Variants in BNC2 observed in about 807,000 individuals in gnomAD.
BNC2 encodes zinc finger protein basonuclin-2.
Under a neutral mutation model 76.3 loss-of-function variants are expected in BNC2, and 20 were observed. The observed-to-expected ratio is 0.26, with a 90% CI of 0.18 to 0.38. The LOEUF is 0.38. Among genes scored for constraint, BNC2 ranks in the 10% least tolerant of loss-of-function variants. BNC2 has a pLI of 1.00. For missense variants in BNC2, 1,382 were observed against 1,399.8 expected (o/e 0.99, Z 0.20); for synonymous variants, 582 against 514.8 (o/e 1.13, Z -1.77).
At chr9:16,517,876 T>C (rs1226292449) in intron 5 of BNC2, among the ~76,000 whole-genome samples, 1 of 152,094 alleles carries the variant, frequency 6.6e-6, no homozygotes, top group Non-Finnish European at 1.5e-5. Context: ...ACTAGATAAT[T>C]GCAGAATTCT....
At chr9:16,862,582 C>A (rs1819437506) in intron 1 of BNC2, among the ~76,000 whole-genome samples, 1 of 152,174 alleles carries the variant, frequency 6.6e-6, no homozygotes, top group Admixed American at 6.5e-5. Context: ...AGCCAGTCAC[C>A]TGCGTAGAGA....
At chr9:16,834,897 G>C (rs933916582) in intron 1 of BNC2, among the ~76,000 whole-genome samples, 10 of 151,948 alleles carry the variant, frequency 6.6e-5, no homozygotes, top group Non-Finnish European at 1.0e-4. Context: ...TTCTACAAAG[G>C]GTAATACATC....
chr9:16,468,035 TTTCTC>T (rs1410781884), intron 5 of BNC2, among the ~76,000 whole-genome samples: 1 of 149,210 alleles, frequency 6.7e-6, no homozygotes, highest in African/African-American at 2.5e-5. Context: ...CATTTCTTTC[TTTCTC>T]TTTTTTTTTT....
intron 4 of BNC2, among the ~76,000 whole-genome samples, chr9:16,559,330 T>C (rs1818940548): frequency 6.6e-6 from 1 of 152,244 alleles, no homozygotes; most frequent in African/African-American, 2.4e-5. Flanking sequence ...ATTTTATGTG[T>C]GGCCCAAGCC....
At chr9:16,862,911 ATAGATT>A (rs1586945057) in intron 1 of BNC2, among the ~76,000 whole-genome samples, 2 of 91,488 alleles carry the variant, frequency 2.2e-5, no homozygotes, top group East Asian at 8.6e-4. Flanking sequence ...CTATATATAG[ATAGATT>A]TTTTTTTTTT....
chr9:16,465,716 C>T (rs1238829273), intron 5 of BNC2, among the ~76,000 whole-genome samples: 1 of 152,112 alleles, frequency 6.6e-6, no homozygotes, highest in Non-Finnish European at 1.5e-5. Flanking sequence ...AAATTCAACA[C>T]TTTCTTAACA....
rs186909234 is a variant in BNC2 at position 16,702,777 on chromosome 9, T to C, written c.330+25020A>G. 2.4e-3 allele frequency among the ~76,000 whole-genome samples: 358 copies of C among 152,290 alleles called. 1 individual carries two copies. Among genetic ancestry groups the C allele is most frequent in the African/African-American group, 8.3e-3 (347 of 41,578 alleles). On this transcript the variant is annotated intron_variant, in intron 3 of 6. Transcript: ENST00000380672. ...GTACTGGAACTTCAAGTGTGTTGTC[T>C]CATTTCATTTTCCTGACAATCTGTA...
chr9:16,492,223 G>A (rs1822294049), intron 5 of BNC2, among the ~76,000 whole-genome samples: 1 of 151,664 alleles, frequency 6.6e-6, no homozygotes, highest in Admixed American at 6.6e-5. Flanking sequence ...TTGGAGGATT[G>A]GATGATTCTA....
intron 3 of BNC2, among the ~76,000 whole-genome samples, chr9:16,638,176 T>C (rs748098483): frequency 2.0e-5 from 3 of 152,228 alleles, no homozygotes; most frequent in Non-Finnish European, 4.4e-5. Flanking sequence ...TCGTGGTTTC[T>C]GGCAAGGTTG....
Position 16,419,800 on chromosome 9 carries a change from C to G in BNC2, c.2640-151G>C, listed in dbSNP as rs932068038. The G allele has an allele frequency of 4.7e-6, 3 of 643,562 alleles. No individual in the cohort carries two copies. In the African/African-American group the frequency reaches 5.4e-5, roughly 12 times the overall value. 39.9% of individuals were successfully genotyped at this position (643,562 alleles called of 1,614,324 possible). ...CACCATTATAAAAGCAAGCATTCCC[C>G]TATATCCTCAGGATCTGGGAGTTAG... On this transcript the variant is annotated intron_variant, in intron 6 of 6. Coordinates refer to ENST00000380672, the MANE Select transcript of BNC2 (RefSeq NM_017637.6).
chr9:16,748,662 G>A (rs943462456), intron 1 of BNC2, among the ~76,000 whole-genome samples: 2 of 151,706 alleles, frequency 1.3e-5, no homozygotes, highest in East Asian at 1.9e-4. Context: ...GGCCAACACG[G>A]TGAAACCCCA....
chr9:16,651,665 A>G (rs185913237), intron 3 of BNC2, among the ~76,000 whole-genome samples: 30 of 152,298 alleles, frequency 2.0e-4, no homozygotes, highest in Non-Finnish European at 5.9e-5. Flanking sequence ...TTATTCATGG[A>G]AAGTCCACAT....
intron 1 of BNC2, among the ~76,000 whole-genome samples, chr9:16,860,652 T>C (rs748074607): frequency 3.3e-5 from 5 of 152,198 alleles, no homozygotes; most frequent in Non-Finnish European, 5.9e-5. Context: ...GTTTCTTAGA[T>C]AGCATACCAA....
chr9:16,509,888 C>T (rs982237965), intron 5 of BNC2, among the ~76,000 whole-genome samples: 4 of 152,166 alleles, frequency 2.6e-5, no homozygotes, highest in Non-Finnish European at 4.4e-5. Flanking sequence ...TAATGGTTAG[C>T]TGACATGGTT....
intron 5 of BNC2, among the ~76,000 whole-genome samples, chr9:16,503,399 C>G (rs1033365266): frequency 4.6e-5 from 7 of 151,940 alleles, no homozygotes; most frequent in Non-Finnish European, 7.4e-5. Flanking sequence ...CATGCCCTCA[C>G]AATCCATCTA....
At chr9:16,432,650 A>G (rs1820930029) in intron 6 of BNC2, among the ~76,000 whole-genome samples, 1 of 152,138 alleles carries the variant, frequency 6.6e-6, no homozygotes, top group African/African-American at 2.4e-5. Context: ...CCCCCACTCA[A>G]AATCCCCTCT....
chr9:16,717,796 G>A (rs890408686), intron 3 of BNC2, among the ~76,000 whole-genome samples: 3 of 151,922 alleles, frequency 2.0e-5, no homozygotes, highest in Non-Finnish European at 4.4e-5. Context: ...GCTCATTTTC[G>A]GCATTCTGCA....
At chr9:16,457,221 G>A (rs555107848) in intron 5 of BNC2, among the ~76,000 whole-genome samples, 1 of 152,166 alleles carries the variant, frequency 6.6e-6, no homozygotes, top group African/African-American at 2.4e-5. Flanking sequence ...TGGAACAAGG[G>A]GTGTCAATAG....
chr9:16,787,951 A>C (rs1278523921), intron 1 of BNC2, among the ~76,000 whole-genome samples: 2 of 152,168 alleles, frequency 1.3e-5, no homozygotes, highest in Non-Finnish European at 2.9e-5. Context: ...ACACAAGATG[A>C]GTCAGCCACA....
Sources: gnomAD v4.1 joint callset for allele counts (sites outside exome capture counted in the v4.1 genomes callset) on GRCh38, gnomAD v4.1.1 for gene constraint, MANE v1.5 for transcripts, NCBI Gene and HGNC (gene_info 2026-07-23, HGNC 2026-07-21) for gene names.